VPS13B: variants seen among roughly 807,000 people sequenced by gnomAD.
The protein encoded by VPS13B is vacuolar protein sorting 13 homolog B, also known as intermembrane lipid transfer protein VPS13B.
VPS13B carries 285 observed loss-of-function variants against 426.4 expected under a neutral mutation model. The observed-to-expected ratio is 0.67, with a 90% CI of 0.61 to 0.74. The LOEUF is 0.74. Among genes scored for constraint, VPS13B ranks in the 30% least tolerant of loss-of-function variants. VPS13B has a pLI of 0.00. For missense variants in VPS13B, 4,537 were observed against 4,782.6 expected (o/e 0.95, Z 1.51); for synonymous variants, 1,676 against 1,676.4 (o/e 1.00, Z 0.01).
chr8:99,855,496 T>C (rs1417707440), intron 56 of VPS13B, among the ~76,000 whole-genome samples: 3 of 152,166 alleles, frequency 2.0e-5, no homozygotes, highest in Non-Finnish European at 4.4e-5. Flanking sequence ...AATTTGATAA[T>C]TGGGTTCCCA....
chr8:99,064,560 CAA>C (rs1305044341), intron 3 of VPS13B, among the ~76,000 whole-genome samples: 1 of 151,914 alleles, frequency 6.6e-6, no homozygotes, highest in Non-Finnish European at 1.5e-5. Flanking sequence ...TTTAGAGAAA[CAA>C]GAGTAAAAAG....
intron 2 of VPS13B, among the ~76,000 whole-genome samples, chr8:99,018,955 G>C (rs1420117711): frequency 3.3e-5 from 5 of 151,880 alleles, no homozygotes; most frequent in Admixed American, 3.3e-4. Flanking sequence ...ACATATTGTT[G>C]GATTCAATTT....
chr8:99,137,693 C>T (rs1446847777), intron 12 of VPS13B, among the ~76,000 whole-genome samples: 1 of 152,092 alleles, frequency 6.6e-6, no homozygotes. Context: ...ATTGGTCAAT[C>T]CTTAATTTCT....
intron 2 of VPS13B, among the ~76,000 whole-genome samples, chr8:99,028,655 TG>T (rs1369821995): frequency 9.1e-6 from 1 of 109,326 alleles, no homozygotes; most frequent in African/African-American, 3.5e-5. Flanking sequence ...ACGGGGTGGC[TG>T]GCCAGGTGGG....
At chr8:99,241,720 C>A (rs1256165980) in intron 17 of VPS13B, among the ~76,000 whole-genome samples, 1 of 151,934 alleles carries the variant, frequency 6.6e-6, no homozygotes, top group Non-Finnish European at 1.5e-5. Context: ...TTTTTTGTTT[C>A]TTTTAATATG....
At chr8:99,461,503 T>C (rs569149718) in intron 23 of VPS13B, among the ~76,000 whole-genome samples, 4 of 152,162 alleles carry the variant, frequency 2.6e-5, no homozygotes, top group Non-Finnish European at 5.9e-5. Flanking sequence ...TTCTAACTTA[T>C]TTAATGTCTT....
At chr8:99,078,899 T>A (rs1399249960) in intron 3 of VPS13B, among the ~76,000 whole-genome samples, 2 of 152,054 alleles carry the variant, frequency 1.3e-5, no homozygotes, top group Non-Finnish European at 2.9e-5. Flanking sequence ...AGATGCATGC[T>A]GGTGCCAGCA....
intron 21 of VPS13B, among the ~76,000 whole-genome samples, chr8:99,409,229 G>A (rs1057314449): frequency 4.6e-5 from 7 of 152,152 alleles, no homozygotes; most frequent in Non-Finnish European, 7.4e-5. Context: ...TGGAGTGAGA[G>A]ATGAGGTCAG....
chr8:99,309,220 C>T (rs1820816691), intron 19 of VPS13B, among the ~76,000 whole-genome samples: 1 of 152,058 alleles, frequency 6.6e-6, no homozygotes, highest in Non-Finnish European at 1.5e-5. Context: ...CTTTTGTTGC[C>T]ATTGCTTTTG....
Position 99,699,831 on chromosome 8 carries a change from T to G in VPS13B, c.6353T>G (p.Ile2118Ser). 6.2e-7 allele frequency: 1 copy of G among 1,613,840 alleles called. No homozygotes were observed. The highest frequency in any genetic ancestry group is 2.2e-5 in the East Asian group (1 of 44,864). The change falls in exon 36 of 62, where the codon ATC (isoleucine) becomes AGC (serine). Residue 2118 changes from isoleucine to serine, a missense_variant. Physicochemically the swap from Ile to Ser is moderately radical, Grantham distance 142 (BLOSUM62 -2). Coordinates refer to ENST00000357162, the MANE Select transcript of VPS13B (RefSeq NM_152564.5). The part of the protein sequence containing the change: ...KISVQTTQIV[I>S]SMETVPHTSK... ...TCTGTTCAAACTACTCAGATTGTGA[T>G]CTCCATGGAAACTGTACCCCATACC...
intron 21 of VPS13B, among the ~76,000 whole-genome samples, chr8:99,408,240 G>A (rs1815437824): frequency 6.6e-6 from 1 of 152,128 alleles, no homozygotes; most frequent in South Asian, 2.1e-4. Context: ...TCTTGATGCT[G>A]TATTGAGAAT....
chr8:99,505,805 G>A (rs1588445647), intron 27 of VPS13B, among the ~76,000 whole-genome samples: 2 of 152,122 alleles, frequency 1.3e-5, no homozygotes, highest in Non-Finnish European at 2.9e-5. Context: ...CATAATATCT[G>A]CACTATGCAA....
intron 21 of VPS13B, among the ~76,000 whole-genome samples, chr8:99,416,174 C>T (rs1408352410): frequency 6.6e-6 from 1 of 152,130 alleles, no homozygotes; most frequent in African/African-American, 2.4e-5. Flanking sequence ...CTGCAGTGGG[C>T]TCTTCCCAGT....
chr8:99,823,548 G>T lies in VPS13B; in HGVS notation c.9184-284G>T, dbSNP rs577168928. On this transcript the variant is annotated intron_variant, in intron 50 of 61. Coordinates refer to ENST00000357162, the MANE Select transcript of VPS13B (RefSeq NM_152564.5). ...GCTTTCTAAATAAACACTTTGTGAGGTTACTGGTAAAATAACCAGAAAACA... is the reference window on the plus strand; with the variant it reads ...GCTTTCTAAATAAACACTTTGTGAGTTTACTGGTAAAATAACCAGAAAACA... Among the ~76,000 whole-genome samples the T allele has an allele frequency of 2.0e-5, 3 of 152,234 alleles. No homozygotes were observed. The East Asian group carries it at 5.8e-4, about 29-fold the overall frequency.
chr8:99,112,422 A>G (rs952452956), intron 6 of VPS13B, among the ~76,000 whole-genome samples: 1 of 152,112 alleles, frequency 6.6e-6, no homozygotes, highest in African/African-American at 2.4e-5. Flanking sequence ...TATTTTACGT[A>G]GCCTTACTGT....
intron 15 of VPS13B, among the ~76,000 whole-genome samples, chr8:99,158,456 C>T (rs1811478060): frequency 6.6e-6 from 1 of 152,118 alleles, no homozygotes; most frequent in Admixed American, 6.5e-5. Flanking sequence ...TCGCCTGAAC[C>T]CGGGAGGCAG....
chr8:99,709,050 T>C (rs1832607815), intron 36 of VPS13B, among the ~76,000 whole-genome samples: 1 of 152,126 alleles, frequency 6.6e-6, no homozygotes, highest in South Asian at 2.1e-4. Context: ...AGACTTTATT[T>C]TTGAGGGATT....
intron 24 of VPS13B, among the ~76,000 whole-genome samples, chr8:99,469,571 T>C (rs958175892): frequency 6.6e-6 from 1 of 152,178 alleles, no homozygotes; most frequent in Non-Finnish European, 1.5e-5. Flanking sequence ...CATAGTGATA[T>C]AGAAGAAAAT....
intron 33 of VPS13B, among the ~76,000 whole-genome samples, chr8:99,633,404 A>T (rs1828929858): frequency 6.6e-6 from 1 of 152,062 alleles, no homozygotes; most frequent in Non-Finnish European, 1.5e-5. Context: ...CTTCAGGGTC[A>T]GGGCTGATTC....
Sources: gnomAD v4.1 joint callset for allele counts (sites outside exome capture counted in the v4.1 genomes callset) on GRCh38, gnomAD v4.1.1 for gene constraint, MANE v1.5 for transcripts, NCBI Gene and HGNC (gene_info 2026-07-23, HGNC 2026-07-21) for gene names.